Variants in WDR27 observed in about 807,000 individuals in gnomAD.
WDR27 encodes WD repeat-containing protein 27.
WDR27 carries 100 observed loss-of-function variants against 114.4 expected under a neutral mutation model. The observed-to-expected ratio is 0.87, with a 90% CI of 0.74 to 1.03. WDR27 has a LOEUF of 1.03. Ranked by LOEUF, WDR27 falls within the 50% of genes least tolerant of loss-of-function variation. The probability of loss-of-function intolerance (pLI) is 0.00; values close to 1 mark genes in which losing one functional copy is unlikely to be tolerated. For synonymous variants in WDR27, 449 were observed against 423.1 expected, an observed-to-expected ratio of 1.06 and a Z score of -0.75; for missense variants, 1,129 against 1,092.9, an observed-to-expected ratio of 1.03 and a Z score of -0.47.
intron 6 of WDR27, 25 bp downstream of exon 6, chr6:169,667,111 G>C: frequency 6.7e-7 from 1 of 1,491,302 alleles, no homozygotes; most frequent in African/African-American, 1.4e-5. Flanking sequence ...CCTATTTACA[G>C]AAAACATGAA....
chr6:169,638,693 C>G (rs1490311317), intron 17 of WDR27, 33 bp from the exon 18 acceptor site: 2 of 1,573,628 alleles, frequency 1.3e-6, no homozygotes, highest in Non-Finnish European at 1.7e-6. Flanking sequence ...GTTACTATTT[C>G]TACTATTAAT....
At chr6:169,560,335 A>G (rs1799515894) in intron 25 of WDR27, among the ~76,000 whole-genome samples, 1 of 152,218 alleles carries the variant, frequency 6.6e-6, no homozygotes, top group South Asian at 2.1e-4. Context: ...TGGAACCGCA[A>G]GTCAAATTAA....
chr6:169,668,327 G>T, intron 4 of WDR27, 142 bp from the exon 5 acceptor site: 1 of 787,228 alleles, frequency 1.3e-6, no homozygotes, highest in Non-Finnish European at 2.0e-6. Flanking sequence ...AGCCGACACT[G>T]ACTGGAGCTA....
At chr6:169,510,074 C>T (rs1792605528) in intron 25 of WDR27, among the ~76,000 whole-genome samples, 1 of 152,186 alleles carries the variant, frequency 6.6e-6, no homozygotes, top group Admixed American at 6.5e-5. Context: ...ATCGAAACCA[C>T]AATGAGATAC....
intron 24 of WDR27, among the ~76,000 whole-genome samples, chr6:169,581,018 C>T (rs1803312500): frequency 6.7e-6 from 1 of 148,184 alleles, no homozygotes; most frequent in South Asian, 2.1e-4. Flanking sequence ...GTGATGTATA[C>T]GTATACATAA....
At position 169,611,831 on chromosome 6, in the gene WDR27, C is replaced by T. The variant is rs931421575; in HGVS notation, c.2321+1728G>A. On this transcript the variant is annotated intron_variant, in intron 22 of 25. Coordinates refer to ENST00000448612, the MANE Select transcript of WDR27 (RefSeq NM_182552.5). ...GCAGTGAAATGCATGGAGCTGTCAT[C>T]TCCCTCTGATAACAATGTCTTGGCC... Among the ~76,000 whole-genome samples, 3 of 152,284 alleles carry T rather than the reference C, an allele frequency of 2.0e-5. No homozygotes were observed. The South Asian group carries it at 6.2e-4, about 32-fold the overall frequency.
chr6:169,674,672 T>A (rs557385708), intron 2 of WDR27, among the ~76,000 whole-genome samples: 26 of 152,018 alleles, frequency 1.7e-4, no homozygotes, highest in African/African-American at 6.0e-4. Context: ...TGGCTGAAAA[T>A]TTTCCAAATT....
chr6:169,675,070 C>T (rs1779749113), intron 2 of WDR27, among the ~76,000 whole-genome samples: 1 of 152,188 alleles, frequency 6.6e-6, no homozygotes, highest in Non-Finnish European at 1.5e-5. Context: ...AGGAACCAGC[C>T]ATCTGGATGT....
chr6:169,567,085 C>T (rs1044686907), intron 25 of WDR27, among the ~76,000 whole-genome samples: 2 of 152,156 alleles, frequency 1.3e-5, no homozygotes, highest in South Asian at 2.1e-4. Context: ...GGCAGCAGCC[C>T]GAGCCAGGTG....
the WDR27 span, among the ~76,000 whole-genome samples, chr6:169,427,638 C>G: frequency 6.6e-6 from 1 of 152,088 alleles, no homozygotes. Flanking sequence ...GCTGCTTCTT[C>G]TGATCCCAAC....
rs142018977 is a variant in WDR27 at position 169,484,715 on chromosome 6, G to A, written c.2646-27081C>T. On this transcript the variant is annotated intron_variant, in intron 25 of 25. Coordinates refer to ENST00000448612, the MANE Select transcript of WDR27 (RefSeq NM_182552.5). ...ACCAAAAAAGAGCCTGAATAGCCAA[G>A]GCAATCCTAAGCAAAATGAACAAAG... Among the ~76,000 whole-genome samples the A allele has an allele frequency of 8.7e-3, 1,326 of 152,230 alleles. 11 individuals carry two copies. Among genetic ancestry groups the A allele is most frequent in the African/African-American group, 0.03 (1,239 of 41,530 alleles).
At chr6:169,658,011 G>GC in intron 13 of WDR27, 1 of 333,072 alleles carries the variant, frequency 3.0e-6, no homozygotes, top group African/African-American at 2.0e-5. Flanking sequence ...ACTGCAACAG[G>GC]CACCAGAGGA....
intron 19 of WDR27, 37 bp downstream of exon 19, chr6:169,636,334 T>G: frequency 1.3e-6 from 2 of 1,598,852 alleles, no homozygotes; most frequent in Admixed American, 3.6e-5. Flanking sequence ...CAGCTTCCTG[T>G]GATCTAAAAA....
At chr6:169,543,350 C>T (rs1174846152) in intron 25 of WDR27, among the ~76,000 whole-genome samples, 1 of 152,054 alleles carries the variant, frequency 6.6e-6, no homozygotes, top group African/African-American at 2.4e-5. Context: ...ATAATCCCAT[C>T]ATAGGACAAC....
At chr6:169,467,527 A>T (rs1248528164) in intron 25 of WDR27, among the ~76,000 whole-genome samples, 3 of 152,254 alleles carry the variant, frequency 2.0e-5, no homozygotes, top group Non-Finnish European at 4.4e-5. Context: ...CACCATGTGT[A>T]AGCTGCCAAG....
At chr6:169,582,242 T>C (rs1444399766) in intron 24 of WDR27, among the ~76,000 whole-genome samples, 1 of 152,214 alleles carries the variant, frequency 6.6e-6, no homozygotes, top group Non-Finnish European at 1.5e-5. Context: ...CCCAAAGTGC[T>C]GGGATTACAG....
At chr6:169,666,538 A>G (rs1827870123) in intron 6 of WDR27, 2 of 985,428 alleles carry the variant, frequency 2.0e-6, no homozygotes, top group East Asian at 1.1e-4. Context: ...GAGGACAAGC[A>G]CAGGGGCTGC....
At chr6:169,567,913 C>A (rs1042715893) in intron 25 of WDR27, among the ~76,000 whole-genome samples, 1 of 152,140 alleles carries the variant, frequency 6.6e-6, no homozygotes, top group Non-Finnish European at 1.5e-5. Context: ...GGCCCTTGTA[C>A]CCCAGCCACT....
At chr6:169,548,007 A>T (rs900952154) in intron 25 of WDR27, among the ~76,000 whole-genome samples, 1 of 152,208 alleles carries the variant, frequency 6.6e-6, no homozygotes, top group Non-Finnish European at 1.5e-5. Flanking sequence ...TTCAAGGTTA[A>T]TACATAAAAG....
Sources: gnomAD v4.1 joint callset for allele counts (sites outside exome capture counted in the v4.1 genomes callset) on GRCh38, gnomAD v4.1.1 for gene constraint, MANE v1.5 for transcripts, NCBI Gene and HGNC (gene_info 2026-07-23, HGNC 2026-07-21) for gene names.